The following C1orf54 variants were observed in gnomAD, a reference collection of about 807,000 sequenced individuals.
C1orf54 encodes uncharacterized protein C1orf54.
Under a neutral mutation model 14.7 loss-of-function variants are expected in C1orf54, and 12 were observed. That is an observed-to-expected ratio of 0.82 (90% CI 0.52 to 1.32). C1orf54 has a LOEUF of 1.32. Among genes scored for constraint, C1orf54 ranks in the 40% most tolerant of loss-of-function variants. C1orf54 has a pLI of 0.00. For synonymous variants in C1orf54, 65 were observed against 56.3 expected, an observed-to-expected ratio of 1.16 and a Z score of -0.70; for missense variants, 163 against 162.2, an observed-to-expected ratio of 1.00 and a Z score of -0.03.
chr1:150,272,584 C>G, upstream of C1orf54: 1 of 552,776 alleles, frequency 1.8e-6, no homozygotes, highest in Non-Finnish European at 3.2e-6. Flanking sequence ...GCTTAAGAAA[C>G]ATGTTTGCAT....
intron 2 of C1orf54, among the ~76,000 whole-genome samples, chr1:150,275,494 C>A (rs1381627126): frequency 1.3e-5 from 2 of 151,938 alleles, no homozygotes; most frequent in East Asian, 3.9e-4. Flanking sequence ...CACAGTGAGA[C>A]CCTGACTCTA....
Position 150,275,874 on chromosome 1 carries a change from T to C in C1orf54, c.189+75T>C, listed in dbSNP as rs991072325. On this transcript the variant is annotated intron_variant, in intron 3 of 5. Transcript: ENST00000369099. The stretch of plus-strand genomic sequence containing the variant: ...GAAACTGGCCGGGCGCAGTGGCTCA[T>C]GCCTATAATCCCAGCACTTTGGGAG... 1.7e-5 allele frequency: 23 copies of C among 1,345,296 alleles called. No individual in the cohort carries two copies. The African/African-American group carries it at 2.9e-4, about 17-fold the overall frequency. The allele number at this position is 1,345,296 out of a possible 1,614,324, so 83.3% of individuals were successfully genotyped here.
intron 4 of C1orf54, among the ~76,000 whole-genome samples, chr1:150,277,835 C>T (rs782443265): frequency 6.6e-5 from 10 of 152,106 alleles, no homozygotes; most frequent in Non-Finnish European, 1.0e-4. Flanking sequence ...TGGTGGCTCA[C>T]GACTGTAATC....
chr1:150,275,138 C>T (rs1652541229), intron 2 of C1orf54, among the ~76,000 whole-genome samples: 1 of 151,610 alleles, frequency 6.6e-6, no homozygotes, highest in Non-Finnish European at 1.5e-5. Flanking sequence ...TCTCGGCTTC[C>T]AGCTATTCTC....
upstream of C1orf54, chr1:150,272,706 G>A (rs1344610759): frequency 1.9e-6 from 2 of 1,073,352 alleles, no homozygotes; most frequent in African/African-American, 1.6e-5. Flanking sequence ...GGGAGGAGAA[G>A]AGTTGCTGCA....
intron 3 of C1orf54, among the ~76,000 whole-genome samples, 189 bp downstream of exon 3, chr1:150,275,988 C>T (rs1179350770): frequency 1.3e-5 from 2 of 151,894 alleles, no homozygotes; most frequent in African/African-American, 4.8e-5. Context: ...AATACAAAAA[C>T]ATTAGTTGGA....
At chr1:150,271,639 G>C (rs1553851281), upstream of C1orf54, among the ~76,000 whole-genome samples, 3 of 152,244 alleles carry the variant, frequency 2.0e-5, no homozygotes, top group Non-Finnish European at 4.4e-5. Context: ...ACTGTGCCTA[G>C]CACGTATGTT....
chr1:150,277,609 T>C (rs1652777736), intron 4 of C1orf54, among the ~76,000 whole-genome samples: 1 of 147,574 alleles, frequency 6.8e-6, no homozygotes, highest in African/African-American at 2.5e-5. Context: ...GGAGAGGGTA[T>C]ATGGAAGGGA....
chr1:150,279,494 T>C, intron 4 of C1orf54, 149 bp from the exon 5 acceptor site: 1 of 738,254 alleles, frequency 1.4e-6, no homozygotes, highest in Non-Finnish European at 2.3e-6. Context: ...CTCCTTACAG[T>C]GATGGGGAAG....
chr1:150,274,689 G>C (rs1652494522), intron 2 of C1orf54, among the ~76,000 whole-genome samples: 1 of 151,440 alleles, frequency 6.6e-6, no homozygotes, highest in African/African-American at 2.4e-5. Flanking sequence ...GAGGTGGGTG[G>C]ATCACCTGCG....
At chr1:150,271,856 A>G (rs1232731213), upstream of C1orf54, among the ~76,000 whole-genome samples, 1 of 152,158 alleles carries the variant, frequency 6.6e-6, no homozygotes, top group East Asian at 1.9e-4. Context: ...AGATGAGGTG[A>G]GGCCGGGCAC....
In C1orf54 at chr1:150,279,761, C is replaced by G; in HGVS notation, c.*3+20C>G. ...TAGAAGGTAAGAGTGCAGCCACTGG[C>G]TTTGGGGGAGTCTGTGAAATAATAT... On this transcript the variant is annotated intron_variant, in intron 5 of 5. Transcript: ENST00000369099. 1 of 1,572,036 alleles carries G rather than the reference C, an allele frequency of 6.4e-7. No individual in the cohort carries two copies. Among genetic ancestry groups the G allele is most frequent in the East Asian group, 2.3e-5 (1 of 44,204 alleles).
upstream of C1orf54, among the ~76,000 whole-genome samples, chr1:150,271,785 C>G (rs1652220449): frequency 1.3e-5 from 2 of 152,166 alleles, no homozygotes; most frequent in African/African-American, 4.8e-5. Flanking sequence ...GCACCTGTAG[C>G]AGGGAAAGAG....
upstream of C1orf54, among the ~76,000 whole-genome samples, chr1:150,271,549 C>T (rs782311382): frequency 6.6e-6 from 1 of 152,218 alleles, no homozygotes; most frequent in Admixed American, 6.5e-5. Context: ...TATTAACTTC[C>T]CTTAAGAACA....
At chr1:150,275,680 A>G in intron 2 of C1orf54, 61 bp from the exon 3 acceptor site, 2 of 1,365,326 alleles carry the variant, frequency 1.5e-6, no homozygotes, top group South Asian at 2.5e-5. Context: ...TTCCCTTTTC[A>G]TTTCCAGATC....
upstream of C1orf54, chr1:150,272,570 G>C (rs1188736691): frequency 1.9e-6 from 1 of 526,648 alleles, no homozygotes; most frequent in Non-Finnish European, 3.4e-6. Context: ...CTAGGGCAGG[G>C]GGAGCTTAAG....
chr1:150,268,831 G>A (rs782262295), upstream of C1orf54: 5 of 1,601,172 alleles, frequency 3.1e-6, no homozygotes, highest in East Asian at 1.1e-4. Context: ...GTGGGAAGGG[G>A]GGTGGGGGCC....
At chr1:150,278,020 C>T (rs782275883) in intron 4 of C1orf54, among the ~76,000 whole-genome samples, 8 of 152,086 alleles carry the variant, frequency 5.3e-5, no homozygotes, top group Non-Finnish European at 8.8e-5. Context: ...TCGCTTGAAC[C>T]TGGGAGGCGG....
chr1:150,274,187 C>T lies in C1orf54; in HGVS notation c.130+17C>T, dbSNP rs782573769. The T allele has an allele frequency of 7.0e-6, 11 of 1,573,776 alleles. No homozygotes were observed. The highest frequency in any genetic ancestry group is 9.6e-6 in the Non-Finnish European group (11 of 1,144,358). On this transcript the variant is annotated intron_variant, in intron 2 of 5. Coordinates refer to ENST00000369099, the MANE Select transcript of C1orf54 (RefSeq NM_024579.4). Reference sequence around the variant, plus strand: ...CCAGTTATGGTGAGTACATGAAAGGCTCTTGCCCTTAGCCAACTGGAGAGA... The same window carrying T: ...CCAGTTATGGTGAGTACATGAAAGGTTCTTGCCCTTAGCCAACTGGAGAGA...
Sources: allele counts gnomAD v4.1 joint callset (sites outside exome capture counted in the v4.1 genomes callset), GRCh38; gene constraint gnomAD v4.1.1; transcripts MANE v1.5; gene names NCBI Gene and HGNC (gene_info 2026-07-23, HGNC 2026-07-21).